DUSP22: variants seen among roughly 807,000 people sequenced by gnomAD.
DUSP22 encodes dual specificity phosphatase 22.
DUSP22 carries 24 observed loss-of-function variants against 24.5 expected under a neutral mutation model. The ratio of observed to expected loss-of-function variants is 0.98; its 90% CI spans 0.71 to 1.38. DUSP22 has a LOEUF of 1.38. Ranked by LOEUF, DUSP22 falls within the 40% of genes most tolerant of loss-of-function variation. DUSP22 has a pLI of 0.00. For synonymous variants in DUSP22, 160 were observed against 106.4 expected, an observed-to-expected ratio of 1.50 and a Z score of -3.10; for missense variants, 330 against 269.2, an observed-to-expected ratio of 1.23 and a Z score of -1.58.
intron 1 of DUSP22, among the ~76,000 whole-genome samples, chr6:293,797 CTTTT>C (rs11436850): frequency 2.3e-4 from 29 of 123,680 alleles, no homozygotes; most frequent in Admixed American, 7.5e-4. Flanking sequence ...ATTGTATTCA[CTTTT>C]TTTTTTTTTT....
chr6:340,064 T>C (rs1025099524), intron 4 of DUSP22, among the ~76,000 whole-genome samples: 4 of 152,406 alleles, frequency 2.6e-5, no homozygotes, highest in Admixed American at 6.5e-5. Flanking sequence ...ATTATGTCCT[T>C]CTTTTTGTTG....
In DUSP22 at chr6:314,483, T is replaced by C. The variant is rs896139274; in HGVS notation, c.138+2521T>C. ...TTTCCAACAAACATCTCAATGAGTT[T>C]AAAGCTCTGGGTTACTTAGCATCAG... On this transcript the variant is annotated intron_variant, in intron 3 of 6. Transcript: ENST00000419235. Among the ~76,000 whole-genome samples, 6 of 152,306 alleles carry C rather than the reference T, an allele frequency of 3.9e-5. No individual in the cohort carries two copies. In the South Asian group the frequency reaches 8.3e-4, roughly 21 times the overall value.
chr6:308,064 A>G (rs374790521), intron 2 of DUSP22, among the ~76,000 whole-genome samples: 359 of 151,730 alleles, frequency 2.4e-3, no homozygotes, highest in African/African-American at 8.3e-3. Context: ...CACCGGGCCA[A>G]AGGTCATTCC....
chr6:319,550 C>T (rs1758493610), intron 3 of DUSP22, among the ~76,000 whole-genome samples: 3 of 152,422 alleles, frequency 2.0e-5, no homozygotes, highest in Admixed American at 2.0e-4. Context: ...TGAATCTGTG[C>T]CCTTTTTTAG....
At chr6:302,518 A>AC (rs1305730115) in intron 1 of DUSP22, among the ~76,000 whole-genome samples, 2 of 152,282 alleles carry the variant, frequency 1.3e-5, no homozygotes, top group Non-Finnish European at 2.9e-5. Flanking sequence ...GCCCTCTGCG[A>AC]CCCCAGAGTG....
intron 4 of DUSP22, 122 bp downstream of exon 4, chr6:335,285 AG>A: frequency 1.5e-6 from 2 of 1,310,256 alleles, no homozygotes; most frequent in African/African-American, 2.9e-5. Flanking sequence ...TGACCCTGCC[AG>A]GGAAGAGGCT....
intron 2 of DUSP22, among the ~76,000 whole-genome samples, chr6:311,595 G>C (rs2127397891): frequency 6.6e-6 from 1 of 152,414 alleles, no homozygotes; most frequent in Non-Finnish European, 1.5e-5. Flanking sequence ...CAGGAGAATT[G>C]TGTGAACCCG....
intron 3 of DUSP22, among the ~76,000 whole-genome samples, chr6:327,631 C>A (rs976923582): frequency 2.0e-5 from 3 of 152,302 alleles, no homozygotes; most frequent in Non-Finnish European, 4.4e-5. Context: ...CAGGGCCATG[C>A]GCCTGTGTGC....
chr6:332,105 T>G (rs1172718268), intron 3 of DUSP22, among the ~76,000 whole-genome samples: 2 of 152,312 alleles, frequency 1.3e-5, no homozygotes, highest in Admixed American at 6.5e-5. Context: ...ATCCTCTGTC[T>G]CATCACTCTG....
chr6:301,862 C>G (rs1382742409), intron 1 of DUSP22, among the ~76,000 whole-genome samples: 1 of 152,294 alleles, frequency 6.6e-6, no homozygotes. Flanking sequence ...GTCAGAACAT[C>G]ATGGTTCTAC....
intron 4 of DUSP22, among the ~76,000 whole-genome samples, chr6:339,689 T>C (rs1268412588): frequency 6.6e-6 from 1 of 152,296 alleles, no homozygotes; most frequent in Non-Finnish European, 1.5e-5. Context: ...GAGGTTTTTG[T>C]GGGGAGAAGA....
intron 3 of DUSP22, among the ~76,000 whole-genome samples, chr6:316,945 C>G (rs554016825): frequency 1.3e-3 from 197 of 152,354 alleles, no homozygotes; most frequent in Non-Finnish European, 2.2e-3. Context: ...TAGAGTTCAG[C>G]TTGGATATTT....
chr6:292,904 C>T (rs1488669501), intron 1 of DUSP22, among the ~76,000 whole-genome samples: 3 of 152,280 alleles, frequency 2.0e-5, no homozygotes, highest in South Asian at 2.1e-4. Context: ...TTTTGCCCTC[C>T]TCTTCGCTCC....
At chr6:337,264 C>T (rs1426078494) in intron 4 of DUSP22, 1 of 152,368 alleles carries the variant, frequency 6.6e-6, no homozygotes, top group Admixed American at 6.5e-5. Context: ...TCATTTTAAC[C>T]CATCTACACC....
Position 335,264 on chromosome 6 carries a change from G to A in DUSP22, c.188+101G>A, listed in dbSNP as rs542798532. 1.7e-4 allele frequency: 252 copies of A among 1,476,070 alleles called. No individual in the cohort carries two copies. In the East Asian group the frequency reaches 5.0e-3, roughly 29 times the overall value. The allele number at this position is 1,476,070 out of a possible 1,614,324, so 91.4% of individuals were successfully genotyped here. On this transcript the variant is annotated intron_variant, in intron 4 of 6. Coordinates refer to ENST00000419235, the MANE Select transcript of DUSP22 (RefSeq NM_001286555.3). ...AGACTGTGAAGTTGTCAGAGCTCAC[G>A]GGACCCTTGCTGACCCTGCCAGGGA...
chr6:315,666 A>G (rs1758308943), intron 3 of DUSP22, among the ~76,000 whole-genome samples: 1 of 152,306 alleles, frequency 6.6e-6, no homozygotes, highest in Non-Finnish European at 1.5e-5. Flanking sequence ...TTTCCTTTTA[A>G]TTAGCAAGAT....
intron 1 of DUSP22, 152 bp downstream of exon 1, chr6:292,712 C>T (rs1757145426): frequency 4.0e-6 from 5 of 1,242,010 alleles, no homozygotes; most frequent in African/African-American, 1.6e-5. Context: ...GGGCGGCGAC[C>T]GCGGAGTCGG....
At chr6:317,999 G>A (rs1263383841) in intron 3 of DUSP22, among the ~76,000 whole-genome samples, 3 of 152,302 alleles carry the variant, frequency 2.0e-5, no homozygotes, top group African/African-American at 7.2e-5. Flanking sequence ...GAAGCCAGAG[G>A]ATCGGTTAGT....
chr6:297,027 C>A (rs1312360599), intron 1 of DUSP22, among the ~76,000 whole-genome samples: 2 of 152,306 alleles, frequency 1.3e-5, no homozygotes, highest in African/African-American at 4.8e-5. Flanking sequence ...TCAGTGGGTG[C>A]ATCTTGTTTC....
Sources: allele counts gnomAD v4.1 joint callset (sites outside exome capture counted in the v4.1 genomes callset), GRCh38; gene constraint gnomAD v4.1.1; transcripts MANE v1.5; gene names NCBI Gene and HGNC (gene_info 2026-07-23, HGNC 2026-07-21).